SH3RF2: variants seen among roughly 807,000 people sequenced by gnomAD.
SH3RF2 encodes the protein SH3 domain containing ring finger 2.
SH3RF2 carries 43 observed loss-of-function variants against 59.0 expected under a neutral mutation model. The ratio of observed to expected loss-of-function variants is 0.73; its 90% CI spans 0.57 to 0.94. SH3RF2 has a LOEUF of 0.94. Among genes scored for constraint, SH3RF2 ranks in the 40% least tolerant of loss-of-function variants. The pLI, the probability that SH3RF2 is intolerant of heterozygous loss-of-function variation, is 0.00. For missense variants in SH3RF2, 930 were observed against 940.1 expected (o/e 0.99, Z 0.14); for synonymous variants, 391 against 391.5 (o/e 1.00, Z 0.01).
At chr5:146,023,909 G>C (rs1011792792) in intron 5 of SH3RF2, among the ~76,000 whole-genome samples, 1 of 152,054 alleles carries the variant, frequency 6.6e-6, no homozygotes, top group African/African-American at 2.4e-5. Flanking sequence ...TATGTTTTTA[G>C]GTTTACTCAT....
At chr5:145,973,432 T>C (rs1018885828) in intron 2 of SH3RF2, among the ~76,000 whole-genome samples, 1 of 152,196 alleles carries the variant, frequency 6.6e-6, no homozygotes, top group Non-Finnish European at 1.5e-5. Context: ...TGAACTTCTC[T>C]CAAAATTAAG....
At chr5:146,037,648 T>G (rs1761986099) in intron 5 of SH3RF2, among the ~76,000 whole-genome samples, 1 of 152,194 alleles carries the variant, frequency 6.6e-6, no homozygotes, top group African/African-American at 2.4e-5. Flanking sequence ...TAAAAACCCT[T>G]CAGAATAACA....
intron 5 of SH3RF2, among the ~76,000 whole-genome samples, chr5:146,046,309 G>T: frequency 6.6e-6 from 1 of 152,212 alleles, no homozygotes; most frequent in South Asian, 2.1e-4. Flanking sequence ...ATTGCCATGG[G>T]CCTTGAGCAA....
chr5:146,032,041 C>A (rs540608765), intron 5 of SH3RF2, among the ~76,000 whole-genome samples: 1 of 152,314 alleles, frequency 6.6e-6, no homozygotes, highest in East Asian at 1.9e-4. Context: ...ATGGAAAACA[C>A]TTTATCCAAA....
In SH3RF2 at chr5:145,937,950, G is replaced by T. The variant is rs1458196485; in HGVS notation, c.22G>T (p.Asp8Tyr). 6.2e-7 allele frequency: 1 copy of T among 1,613,564 alleles called. No homozygotes were observed. Among genetic ancestry groups the T allele is most frequent in the Non-Finnish European group, 8.5e-7 (1 of 1,179,782 alleles). MDDLTLL[D>Y]LLECPVCFEK... ...TAAAATGGATGATTTGACGTTACTT[G>T]ATCTTCTGGAGTGCCCTGTGTGCTT... is the stretch of plus-strand genomic sequence containing the variant. Residue 8 changes from aspartate (D) to tyrosine (Y), a missense_variant, in exon 2 of 10, where the codon GAT becomes TAT. Coordinates refer to ENST00000359120, the MANE Select transcript of SH3RF2 (RefSeq NM_152550.4).
intron 2 of SH3RF2, among the ~76,000 whole-genome samples, chr5:145,957,067 T>C (rs974269273): frequency 2.0e-5 from 3 of 152,244 alleles, no homozygotes; most frequent in Admixed American, 2.0e-4. Context: ...CTTTTTCTTT[T>C]GAGACAGCCA....
At chr5:145,995,193 T>G (rs992628870) in intron 2 of SH3RF2, among the ~76,000 whole-genome samples, 1 of 152,144 alleles carries the variant, frequency 6.6e-6, no homozygotes, top group Non-Finnish European at 1.5e-5. Flanking sequence ...CATGTCTGCA[T>G]TCCACATAGC....
At chr5:146,043,309 C>T (rs1277570572) in intron 5 of SH3RF2, among the ~76,000 whole-genome samples, 1 of 152,164 alleles carries the variant, frequency 6.6e-6, no homozygotes, top group African/African-American at 2.4e-5. Flanking sequence ...CTCTCCTATT[C>T]AGGTGGCCCC....
intron 5 of SH3RF2, among the ~76,000 whole-genome samples, chr5:146,018,796 G>GT (rs1336068981): frequency 6.6e-6 from 1 of 151,990 alleles, no homozygotes; most frequent in Non-Finnish European, 1.5e-5. Flanking sequence ...CACATCGACT[G>GT]TTTTTTTACT....
At chr5:146,002,201 A>G (rs1328012550) in intron 3 of SH3RF2, among the ~76,000 whole-genome samples, 7 of 152,196 alleles carry the variant, frequency 4.6e-5, no homozygotes, top group Admixed American at 4.6e-4. Context: ...CTGCAATCCC[A>G]GCACTTTGGG....
chr5:145,940,003 C>G (rs966688808), intron 2 of SH3RF2, among the ~76,000 whole-genome samples: 1 of 152,160 alleles, frequency 6.6e-6, no homozygotes, highest in Non-Finnish European at 1.5e-5. Flanking sequence ...TCCACAGCTA[C>G]CAAGTTTTTG....
In SH3RF2 at chr5:146,057,988, A is replaced by C. The variant is rs557494223; in HGVS notation, c.1555+1775A>C. On this transcript the variant is annotated intron_variant, in intron 8 of 9. Coordinates refer to ENST00000359120, the MANE Select transcript of SH3RF2 (RefSeq NM_152550.4). ...TCTCTCTATCTATCTATCTATCTAT[A>C]TATATATATTTGATTTAAAAAACGA... Among the ~76,000 whole-genome samples, 83 of 142,874 alleles carry C rather than the reference A, an allele frequency of 5.8e-4. 2 individuals carry two copies. The highest frequency in any genetic ancestry group is 2.6e-3 in the South Asian group (12 of 4,596). The allele number at this position is 142,874 out of a possible 152,430, so 93.7% of individuals were successfully genotyped here.
Position 146,057,928 on chromosome 5 carries a change from GTCTCTC to G in SH3RF2, c.1555+1751_1555+1756del, listed in dbSNP as rs58826823. ...CTGTACTCCAGTCTGGGCTGTTAGT[GTCTCTC>G]TCTCTCTCTCTCTCTCTCTCTCTCT... On this transcript the variant is annotated intron_variant, in intron 8 of 9. Coordinates refer to ENST00000359120, the MANE Select transcript of SH3RF2 (RefSeq NM_152550.4). Among the ~76,000 whole-genome samples, 1,018 of 133,128 alleles carry G rather than the reference GTCTCTC, an allele frequency of 7.6e-3. 17 individuals carry two copies. Among genetic ancestry groups the G allele is most frequent in the African/African-American group, 0.023 (760 of 32,956 alleles). 87.3% of individuals were successfully genotyped at this position (133,128 alleles called of 152,430 possible).
chr5:145,939,318 G>T (rs879773781), intron 2 of SH3RF2, among the ~76,000 whole-genome samples: 2 of 152,224 alleles, frequency 1.3e-5, no homozygotes, highest in Admixed American at 6.5e-5. Context: ...GAGTCTAAAT[G>T]CTGGCAGCAG....
chr5:146,078,160 G>A (rs892397825), intron 9 of SH3RF2, among the ~76,000 whole-genome samples: 1 of 152,108 alleles, frequency 6.6e-6, no homozygotes, highest in African/African-American at 2.4e-5. Flanking sequence ...TAAAACTAGT[G>A]GATGAAAGCT....
chr5:146,004,948 T>G (rs1210711205), intron 4 of SH3RF2, among the ~76,000 whole-genome samples: 1 of 152,078 alleles, frequency 6.6e-6, no homozygotes, highest in East Asian at 1.9e-4. Context: ...CAATAAAAAA[T>G]AAGTTGGACC....
At chr5:146,055,085 A>G (rs1400307623) in intron 7 of SH3RF2, among the ~76,000 whole-genome samples, 2 of 152,252 alleles carry the variant, frequency 1.3e-5, no homozygotes, top group Non-Finnish European at 2.9e-5. Context: ...CTTTAATGAA[A>G]TTCTTGAAAA....
At chr5:145,938,729 T>G (rs1330219653) in intron 2 of SH3RF2, among the ~76,000 whole-genome samples, 1 of 152,218 alleles carries the variant, frequency 6.6e-6, no homozygotes, top group Non-Finnish European at 1.5e-5. Flanking sequence ...TGTCAGGTTT[T>G]GTTTGAATTT....
intron 2 of SH3RF2, among the ~76,000 whole-genome samples, chr5:145,979,133 C>T (rs1054050671): frequency 2.0e-5 from 3 of 152,138 alleles, no homozygotes; most frequent in African/African-American, 4.8e-5. Flanking sequence ...TCTGATTTTG[C>T]GCTAGAACAA....
Sources: allele counts gnomAD v4.1 joint callset (sites outside exome capture counted in the v4.1 genomes callset), GRCh38; gene constraint gnomAD v4.1.1; transcripts MANE v1.5; gene names NCBI Gene and HGNC (gene_info 2026-07-23, HGNC 2026-07-21).